The following TACR1 variants were observed in gnomAD, a reference collection of about 807,000 sequenced individuals.
TACR1 encodes the protein tachykinin receptor 1.
In TACR1, 25 loss-of-function variants were observed where a neutral mutation model predicts 35.8. That is an observed-to-expected ratio of 0.70 (90% CI 0.51 to 0.98). The LOEUF (loss-of-function observed/expected upper bound fraction) is 0.98, where lower values mean the gene tolerates loss of function less well. TACR1 is among the 50% of genes least tolerant of loss of function. The pLI, the probability that TACR1 is intolerant of heterozygous loss-of-function variation, is 0.00. For missense variants in TACR1, 478 were observed against 522.9 expected (o/e 0.91, Z 0.84); for synonymous variants, 195 against 206.7 (o/e 0.94, Z 0.48).
intron 2 of TACR1, among the ~76,000 whole-genome samples, chr2:75,079,736 C>CTTTT (rs11367021): frequency 7.0e-5 from 8 of 114,190 alleles, no homozygotes; most frequent in African/African-American, 1.3e-4. Flanking sequence ...AACCTAATGC[C>CTTTT]TTTTTTTTTT....
rs55756086 is a variant in TACR1 at position 75,131,201 on chromosome 2, G to C, written c.390-10433C>G. ...CCTCCTGGGTTCACGTCATTCTCCT[G>C]TCTCAGCCTCTCGAGTAGCTGGGAC... On this transcript the variant is annotated intron_variant, in intron 1 of 4. Coordinates refer to ENST00000305249, the MANE Select transcript of TACR1 (RefSeq NM_001058.4). Among the ~76,000 whole-genome samples, 583 of 151,706 alleles carry C rather than the reference G, an allele frequency of 3.8e-3. 3 individuals are homozygous for C. The highest frequency in any genetic ancestry group is 4.8e-3 in the Non-Finnish European group (328 of 67,956).
chr2:75,109,337 C>T (rs1322621976), intron 2 of TACR1, among the ~76,000 whole-genome samples: 1 of 152,116 alleles, frequency 6.6e-6, no homozygotes, highest in Admixed American at 6.5e-5. Context: ...GTTGAGGCAG[C>T]TGGGAAGGGC....
intron 1 of TACR1, among the ~76,000 whole-genome samples, chr2:75,137,615 G>C (rs1674320374): frequency 1.3e-5 from 2 of 150,188 alleles, no homozygotes; most frequent in South Asian, 4.2e-4. Context: ...TGTAGTCCCA[G>C]CTACTTGGAA....
intron 2 of TACR1, among the ~76,000 whole-genome samples, chr2:75,067,741 C>T (rs995206564): frequency 2.0e-5 from 3 of 152,018 alleles, no homozygotes; most frequent in Non-Finnish European, 2.9e-5. Context: ...AAAGCAGGCA[C>T]AGAGGCCCTA....
intron 1 of TACR1, among the ~76,000 whole-genome samples, chr2:75,153,603 A>G (rs1403379873): frequency 6.6e-6 from 1 of 152,198 alleles, no homozygotes; most frequent in Non-Finnish European, 1.5e-5. Flanking sequence ...AAACCCATTA[A>G]AATACATCTC....
At chr2:75,062,511 G>A (rs1466717172) in intron 2 of TACR1, among the ~76,000 whole-genome samples, 1 of 152,056 alleles carries the variant, frequency 6.6e-6, no homozygotes, top group African/African-American at 2.4e-5. Flanking sequence ...CTGCAATAAT[G>A]TTCTATTGCA....
intron 1 of TACR1, among the ~76,000 whole-genome samples, chr2:75,185,174 G>A (rs1483520601): frequency 6.6e-6 from 1 of 151,844 alleles, no homozygotes; most frequent in Non-Finnish European, 1.5e-5. Flanking sequence ...AATGGTGTTT[G>A]AACAATAGGA....
At chr2:75,159,250 A>G (rs934062818) in intron 1 of TACR1, among the ~76,000 whole-genome samples, 4 of 152,220 alleles carry the variant, frequency 2.6e-5, no homozygotes, top group Non-Finnish European at 4.4e-5. Flanking sequence ...ACTCAAGCCA[A>G]CCGAAACACA....
intron 1 of TACR1, among the ~76,000 whole-genome samples, chr2:75,147,619 T>G (rs1431885644): frequency 6.6e-6 from 1 of 152,174 alleles, no homozygotes; most frequent in African/African-American, 2.4e-5. Context: ...GTCCATGTGT[T>G]TTCATTGTTC....
intron 2 of TACR1, among the ~76,000 whole-genome samples, chr2:75,081,570 A>T (rs904848182): frequency 6.6e-6 from 1 of 152,158 alleles, no homozygotes; most frequent in Non-Finnish European, 1.5e-5. Flanking sequence ...TGTCACATGT[A>T]TAAGACCCCT....
chr2:75,172,668 A>C (rs1465485689), intron 1 of TACR1, among the ~76,000 whole-genome samples: 1 of 152,182 alleles, frequency 6.6e-6, no homozygotes, highest in Non-Finnish European at 1.5e-5. Flanking sequence ...TGGTCACCTC[A>C]GAAAATTATG....
At chr2:75,090,438 GCCTGCTAGCTAAAAGCTTCA>G (rs1673286463) in intron 2 of TACR1, among the ~76,000 whole-genome samples, 1 of 152,146 alleles carries the variant, frequency 6.6e-6, no homozygotes, top group African/African-American at 2.4e-5. Context: ...TCTCTCTGAA[GCCTGCTAGCTAAAAGCTTCA>G]CCTGCATGAC....
chr2:75,109,197 C>T (rs111355111), intron 2 of TACR1, among the ~76,000 whole-genome samples: 1 of 152,198 alleles, frequency 6.6e-6, no homozygotes, highest in South Asian at 2.1e-4. Flanking sequence ...ATCGGCATCG[C>T]GGTAAGAAAC....
rs560819515 is a variant in TACR1, at chr2:75,153,166, G to T, written c.390-32398C>A. ...TCTGCCCACCTTGGCCTCCCAAATTGCTGGGATTACAGGCGTGAGCCACTG... is the reference window on the plus strand; with the variant it reads ...TCTGCCCACCTTGGCCTCCCAAATTTCTGGGATTACAGGCGTGAGCCACTG... On this transcript the variant is annotated intron_variant, in intron 1 of 4. Coordinates refer to ENST00000305249, the MANE Select transcript of TACR1 (RefSeq NM_001058.4). Among the ~76,000 whole-genome samples the T allele has an allele frequency of 8.5e-5, 13 of 152,302 alleles. No individual in the cohort carries two copies. The East Asian group carries it at 2.5e-3, about 29-fold the overall frequency.
At chr2:75,197,374 A>AT (rs886333183) in intron 1 of TACR1, among the ~76,000 whole-genome samples, 3 of 152,132 alleles carry the variant, frequency 2.0e-5, no homozygotes, top group African/African-American at 4.8e-5. Context: ...GTAGTTTGGA[A>AT]TTTTTTTTGA....
chr2:75,095,435 A>G (rs1673403313), intron 2 of TACR1, among the ~76,000 whole-genome samples: 1 of 152,198 alleles, frequency 6.6e-6, no homozygotes, highest in Admixed American at 6.5e-5. Context: ...ACAACCTCAC[A>G]GAAGAGGTGA....
At chr2:75,141,403 A>G (rs1463477235) in intron 1 of TACR1, among the ~76,000 whole-genome samples, 2 of 152,204 alleles carry the variant, frequency 1.3e-5, no homozygotes, top group African/African-American at 4.8e-5. Flanking sequence ...ACTTTATTTA[A>G]CAGCAGAAAG....
intron 2 of TACR1, among the ~76,000 whole-genome samples, chr2:75,085,093 CT>C (rs1673166210): frequency 6.6e-6 from 1 of 151,954 alleles, no homozygotes; most frequent in South Asian, 2.1e-4. Flanking sequence ...CTACACACTG[CT>C]TTAAATGTGT....
At chr2:75,191,643 G>A (rs1572993303) in intron 1 of TACR1, among the ~76,000 whole-genome samples, 1 of 152,272 alleles carries the variant, frequency 6.6e-6, no homozygotes. Flanking sequence ...TTCTAGAACG[G>A]GGGTTCTGAA....
Sources: gnomAD v4.1 joint callset for allele counts (sites outside exome capture counted in the v4.1 genomes callset) on GRCh38, gnomAD v4.1.1 for gene constraint, MANE v1.5 for transcripts, NCBI Gene and HGNC (gene_info 2026-07-23, HGNC 2026-07-21) for gene names.